NWD2: variants seen among roughly 807,000 people sequenced by gnomAD.
The protein encoded by NWD2 is NACHT and WD repeat domain-containing protein 2.
In NWD2, 37 loss-of-function variants were observed where a neutral mutation model predicts 132.7. The ratio of observed to expected loss-of-function variants is 0.28; its 90% CI spans 0.21 to 0.37. The LOEUF is 0.37. NWD2 is among the 10% of genes least tolerant of loss of function. The pLI, the probability that NWD2 is intolerant of heterozygous loss-of-function variation, is 1.00. For synonymous variants in NWD2, 705 were observed against 803.0 expected (o/e 0.88, Z 2.06); for missense variants, 1,592 against 2,122.4 (o/e 0.75, Z 4.91).
intron 3 of NWD2, among the ~76,000 whole-genome samples, chr4:37,361,774 A>G (rs758670060): frequency 6.6e-6 from 1 of 152,136 alleles, no homozygotes; most frequent in Non-Finnish European, 1.5e-5. Flanking sequence ...ACATAAGAAT[A>G]CCCACTCTCA....
chr4:37,300,878 T>C (rs574768234), intron 1 of NWD2, among the ~76,000 whole-genome samples: 27 of 152,230 alleles, frequency 1.8e-4, no homozygotes, highest in African/African-American at 6.0e-4. Flanking sequence ...CTCCACAAAT[T>C]AGACATATTA....
chr4:37,380,686 T>C (rs956538), intron 3 of NWD2, among the ~76,000 whole-genome samples: 86,114 of 152,072 alleles, frequency 0.57, 25,538 homozygotes, highest in Non-Finnish European at 0.67. Context: ...TCACCAAAAC[T>C]TCTGTGAAGT....
At chr4:37,332,436 A>C (rs1719313311) in intron 2 of NWD2, among the ~76,000 whole-genome samples, 1 of 150,568 alleles carries the variant, frequency 6.6e-6, no homozygotes, top group African/African-American at 2.5e-5. Context: ...ATCTTAGGCC[A>C]GAAGGTAACC....
At chr4:37,394,809 T>TG (rs1720751230) in intron 3 of NWD2, among the ~76,000 whole-genome samples, 2 of 66,112 alleles carry the variant, frequency 3.0e-5, no homozygotes, top group Admixed American at 3.8e-4. Context: ...GTTTTTTTTT[T>TG]TTTTTTTTTT....
chr4:37,245,085 G>C lies in NWD2; in HGVS notation c.18G>C (p.Ala6=). MWPAG[A]GTKLPCPRDS... ...AGAGGGCGATGTGGCCGGCCGGCGCGGGCACCAAGCTGCCCTGTCCCCGAG... is the reference window on the plus strand; with the variant it reads ...AGAGGGCGATGTGGCCGGCCGGCGCCGGCACCAAGCTGCCCTGTCCCCGAG... Residue 6 remains alanine, a synonymous_variant, in exon 1 of 7, where the codon GCG becomes GCC. Transcript: ENST00000309447. 6.5e-7 allele frequency: 1 copy of C among 1,546,186 alleles called. No individual in the cohort carries two copies. The highest frequency in any genetic ancestry group is 8.7e-7 in the Non-Finnish European group (1 of 1,146,494).
intron 1 of NWD2, among the ~76,000 whole-genome samples, chr4:37,248,108 C>G (rs1469805130): frequency 6.6e-6 from 1 of 151,998 alleles, no homozygotes; most frequent in Non-Finnish European, 1.5e-5. Flanking sequence ...AAGAGTAGAG[C>G]CTATAGGACC....
At chr4:37,269,094 G>T (rs1232554044) in intron 1 of NWD2, among the ~76,000 whole-genome samples, 1 of 151,816 alleles carries the variant, frequency 6.6e-6, no homozygotes, top group African/African-American at 2.4e-5. Flanking sequence ...TATTTTTATT[G>T]CTATTGCTTA....
At chr4:37,314,879 T>A (rs1453290754) in intron 1 of NWD2, among the ~76,000 whole-genome samples, 1 of 152,184 alleles carries the variant, frequency 6.6e-6, no homozygotes, top group African/African-American at 2.4e-5. Flanking sequence ...TAACCTTTAC[T>A]TTTACAGGTG....
intron 1 of NWD2, among the ~76,000 whole-genome samples, chr4:37,296,410 G>A (rs773852883): frequency 5.3e-5 from 8 of 152,182 alleles, no homozygotes; most frequent in Non-Finnish European, 1.2e-4. Context: ...TGGCAGCACA[G>A]TTCACAATTG....
chr4:37,375,377 C>T (rs943003663), intron 3 of NWD2, among the ~76,000 whole-genome samples: 2 of 151,894 alleles, frequency 1.3e-5, no homozygotes, highest in African/African-American at 4.8e-5. Flanking sequence ...TATGCCAGAC[C>T]CCGTGCTAAG....
intron 3 of NWD2, among the ~76,000 whole-genome samples, chr4:37,402,633 A>C (rs1033813939): frequency 6.6e-6 from 1 of 152,202 alleles, no homozygotes; most frequent in Non-Finnish European, 1.5e-5. Flanking sequence ...TGAAGTTCTC[A>C]TATGAAGAAG....
At position 37,439,115 on chromosome 4, in the gene NWD2, G is replaced by A. The variant is rs1712408048; in HGVS notation, c.1021G>A (p.Gly341Arg). The change falls in exon 6 of 7, where the codon GGA (glycine) becomes AGA (arginine). Residue 341 changes from glycine to arginine, a missense_variant. This residue lies in a region of NWD2 where 1,071 missense variants were observed against 1,398.0 expected (regional missense o/e 0.77). Transcript: ENST00000309447. This position sits in a 1 kb window ranked among gnomAD's most constrained non-coding sequence, Gnocchi z 4.5. ...AGAAATAGAAAATCATTACATCGAA[G>A]GACTTGGTAAACAATTTTATGAGGA... Reference protein sequence around the residue: ...SQEIENHYIEGLGKQFYEDMI... With the variant: ...SQEIENHYIERLGKQFYEDMI... The A allele has an allele frequency of 6.4e-7, 1 of 1,551,754 alleles. No individual in the cohort carries two copies. Among genetic ancestry groups the A allele is most frequent in the Non-Finnish European group, 8.7e-7 (1 of 1,147,002 alleles).
intron 2 of NWD2, among the ~76,000 whole-genome samples, chr4:37,344,656 C>A (rs1445217882): frequency 2.6e-5 from 4 of 151,964 alleles, no homozygotes; most frequent in African/African-American, 7.3e-5. Context: ...GTAGTTAGTT[C>A]TTTGTATTTG....
chr4:37,401,920 A>G (rs1476895271), intron 3 of NWD2, among the ~76,000 whole-genome samples: 1 of 152,150 alleles, frequency 6.6e-6, no homozygotes, highest in East Asian at 1.9e-4. Context: ...TGTACCTGCT[A>G]TGGTTTGAGT....
Position 37,438,972 on chromosome 4 carries a change from A to C in NWD2, c.878A>C (p.Glu293Ala), listed in dbSNP as rs1712404209. ...GTEPRIIRDP[E>A]AQEKLIKLRD... ...GAACCGAGGATTATTCGGGACCCAG[A>C]AGCCCAAGAGAAGCTGATAAAACTC... The change falls in exon 6 of 7, where the codon GAA becomes GCA. Residue 293 changes from glutamate to alanine, a missense_variant. Physicochemically the swap from Glu to Ala is moderately radical, Grantham distance 107. This residue lies in a region of NWD2 where 1,071 missense variants were observed against 1,398.0 expected (regional missense o/e 0.77). Coordinates refer to ENST00000309447, the MANE Select transcript of NWD2 (RefSeq NM_001144990.2). 1 of 1,551,920 alleles carries C rather than the reference A, an allele frequency of 6.4e-7. No homozygotes were observed. Among genetic ancestry groups the C allele is most frequent in the African/African-American group, 1.4e-5 (1 of 73,072 alleles).
intron 2 of NWD2, among the ~76,000 whole-genome samples, chr4:37,350,420 T>C (rs188261034): frequency 2.8e-4 from 43 of 152,340 alleles, no homozygotes; most frequent in African/African-American, 8.4e-4. Flanking sequence ...GTTGTATTTC[T>C]AGGTATTTTA....
intron 5 of NWD2, among the ~76,000 whole-genome samples, chr4:37,437,140 G>T (rs971303171): frequency 8.6e-5 from 13 of 152,026 alleles, no homozygotes; most frequent in Non-Finnish European, 1.5e-5. Context: ...TCTAGATTTT[G>T]CTTGACATTG....
intron 1 of NWD2, among the ~76,000 whole-genome samples, chr4:37,320,149 C>T (rs1426623151): frequency 1.3e-5 from 2 of 152,092 alleles, no homozygotes; most frequent in Non-Finnish European, 2.9e-5. Context: ...TCTGTGATTT[C>T]CTTCAGCAGT....
chr4:37,361,859 A>G (rs1163073024), intron 3 of NWD2, among the ~76,000 whole-genome samples: 2 of 152,090 alleles, frequency 1.3e-5, no homozygotes, highest in East Asian at 1.9e-4. Context: ...AAGGCATCCA[A>G]ATAGGAAAAG....
Sources: gnomAD v4.1 joint callset for allele counts (sites outside exome capture counted in the v4.1 genomes callset) on GRCh38, gnomAD v4.1.1 for gene constraint, gnomAD v4.1.1 regional missense constraint, Gnocchi (gnomAD v3.1) non-coding constraint, MANE v1.5 for transcripts, NCBI Gene and HGNC (gene_info 2026-07-23, HGNC 2026-07-21) for gene names.